Variants in CCDC85C observed in about 807,000 individuals in gnomAD.
CCDC85C encodes the protein coiled-coil domain containing 85C.
CCDC85C carries 18 observed loss-of-function variants against 38.3 expected under a neutral mutation model. The observed-to-expected ratio is 0.47, with a 90% CI of 0.33 to 0.70. CCDC85C has a LOEUF of 0.70. Among genes scored for constraint, CCDC85C ranks in the 30% least tolerant of loss-of-function variants. The pLI is 0.03. For synonymous variants in CCDC85C, 264 were observed against 293.8 expected, an observed-to-expected ratio of 0.90 and a Z score of 1.04; for missense variants, 566 against 621.2, an observed-to-expected ratio of 0.91 and a Z score of 0.94.
chr14:99,563,829 C>T (rs1045692639), intron 1 of CCDC85C, among the ~76,000 whole-genome samples: 8 of 152,216 alleles, frequency 5.3e-5, no homozygotes, highest in Admixed American at 3.9e-4. Context: ...TTCCTGGGCA[C>T]GAGCCAGATG....
Position 99,603,436 on chromosome 14 carries a change from C to T in CCDC85C, c.524G>A (p.Gly175Asp). 7.9e-7 allele frequency: 1 copy of T among 1,267,342 alleles called. No individual in the cohort carries two copies. Among genetic ancestry groups the T allele is most frequent in the Non-Finnish European group, 9.9e-7 (1 of 1,010,178 alleles). The allele number at this position is 1,267,342 out of a possible 1,614,324, so 78.5% of individuals were successfully genotyped here. ...CTGGCTGTCGATGGAGCTGCGGGAGCCGGCGCCGCCCCCGCCGCCGCCGCC... is the reference window on the plus strand; with the variant it reads ...CTGGCTGTCGATGGAGCTGCGGGAGTCGGCGCCGCCCCCGCCGCCGCCGCC... ...SGGGGGGGGA[G>D]SRSSIDSQAS... is the part of the protein sequence containing the mutation. The change falls in exon 1 of 6, where the codon GGC (glycine) becomes GAC (aspartate). Residue 175 changes from glycine to aspartate, a missense_variant. By Grantham distance (94) the Gly-to-Asp change is moderately conservative. Around this residue, in one of 3 missense-constraint regions of CCDC85C, gnomAD observed 269 missense variants for 308.2 expected, o/e 0.87. Transcript: ENST00000380243. This position sits in a 1 kb window ranked among gnomAD's most constrained non-coding sequence, Gnocchi z 7.5.
At chr14:99,551,029 G>T (rs1897896391) in intron 1 of CCDC85C, among the ~76,000 whole-genome samples, 1 of 152,242 alleles carries the variant, frequency 6.6e-6, no homozygotes, top group African/African-American at 2.4e-5. Flanking sequence ...AGCCAATGTG[G>T]TATCACCCAT....
At chr14:99,532,691 C>G (rs908716762) in intron 2 of CCDC85C, among the ~76,000 whole-genome samples, 2 of 152,158 alleles carry the variant, frequency 1.3e-5, no homozygotes, top group African/African-American at 4.8e-5. Flanking sequence ...CTCTCTCTCT[C>G]CTGCATGGCT....
chr14:99,519,838 T>C (rs534220740), intron 3 of CCDC85C, among the ~76,000 whole-genome samples: 4 of 152,286 alleles, frequency 2.6e-5, no homozygotes, highest in Admixed American at 1.3e-4. Context: ...ATACGAAATA[T>C]CCAGAATTGG....
chr14:99,522,068 A>T, intron 3 of CCDC85C, 65 bp downstream of exon 3: 1 of 1,306,360 alleles, frequency 7.7e-7, no homozygotes, highest in Non-Finnish European at 1.1e-6. Context: ...CGGGCAGGTC[A>T]CTGGCCCGCC....
chr14:99,526,646 C>G (rs988139345), intron 2 of CCDC85C, among the ~76,000 whole-genome samples: 1 of 152,200 alleles, frequency 6.6e-6, no homozygotes, highest in Non-Finnish European at 1.5e-5. Context: ...GTCCCCAAGA[C>G]CTGGCGACCT....
At position 99,500,739 on chromosome 14, in the gene CCDC85C, G is replaced by C; in HGVS notation, c.*14507C>G. ...CTTGAGACCTGCAATTGTAATTACT[G>C]TCCTAACATTTGTGATTGATTTTTA... On this transcript the variant is annotated 3_prime_UTR_variant, in exon 6 of 6. Transcript: ENST00000380243. 7.2e-7 allele frequency: 1 copy of C among 1,380,638 alleles called. No homozygotes were observed. Among genetic ancestry groups the C allele is most frequent in the Non-Finnish European group, 1.0e-6 (1 of 989,700 alleles). 85.5% of individuals were successfully genotyped at this position (1,380,638 alleles called of 1,614,324 possible). A position where few individuals can be genotyped will look rare whatever the true frequency, so the allele number is the denominator to read the frequency against.
At chr14:99,563,427 G>A (rs1249914560) in intron 1 of CCDC85C, among the ~76,000 whole-genome samples, 4 of 152,256 alleles carry the variant, frequency 2.6e-5, no homozygotes, top group South Asian at 4.1e-4. Flanking sequence ...CCCAAGCCAC[G>A]CCCCCCTCAC....
At chr14:99,517,693 C>T (rs757333230) in intron 3 of CCDC85C, among the ~76,000 whole-genome samples, 7 of 152,212 alleles carry the variant, frequency 4.6e-5, no homozygotes, top group African/African-American at 7.2e-5. Context: ...CCCAGCCCTG[C>T]GGGATGAATT....
At position 99,502,387 on chromosome 14, in the gene CCDC85C, T is replaced by A. The variant is rs780129653; in HGVS notation, c.*12859A>T. The A allele has an allele frequency of 6.2e-7, 1 of 1,612,404 alleles. No homozygotes were observed. The highest frequency in any genetic ancestry group is 8.5e-7 in the Non-Finnish European group (1 of 1,178,986). ...TCGACGTTTTGGAAGGTACCAGGCA[T>A]GCTAAGCGTTCTCGTGAGGGTGTTC... On this transcript the variant is annotated 3_prime_UTR_variant, in exon 6 of 6. Transcript: ENST00000380243.
intron 2 of CCDC85C, chr14:99,534,739 A>G: frequency 2.8e-6 from 2 of 702,096 alleles, no homozygotes; most frequent in Non-Finnish European, 5.2e-6. Context: ...AGGGAGCCCC[A>G]CTCCACAGAC....
intron 1 of CCDC85C, among the ~76,000 whole-genome samples, chr14:99,554,776 A>T (rs1361041128): frequency 6.6e-6 from 1 of 152,220 alleles, no homozygotes; most frequent in East Asian, 1.9e-4. Flanking sequence ...AACGGGGCAC[A>T]GGGCACCCAC....
rs191782351 is a variant in CCDC85C, at chr14:99,513,834, G to C, written c.*1412C>G. On this transcript the variant is annotated 3_prime_UTR_variant, in exon 6 of 6. Transcript: ENST00000380243. ...GGAAGCGGCCTGTCCCCGTGCTGCA[G>C]CTGTGGGATCAAAATCCCTGTCATG... is the stretch of plus-strand genomic sequence containing the variant. 46 of 5,320 alleles carry C rather than the reference G, an allele frequency of 8.6e-3. No individual in the cohort carries two copies. The highest frequency in any genetic ancestry group is 0.024 in the Admixed American group (5 of 210). The allele number at this position is 5,320 out of a possible 1,614,324, so 0.3% of individuals were successfully genotyped here. A position where few individuals can be genotyped will look rare whatever the true frequency, so the allele number is the denominator to read the frequency against.
In CCDC85C at chr14:99,514,573, G is replaced by T. The variant is rs77332608; in HGVS notation, c.*673C>A. On this transcript the variant is annotated 3_prime_UTR_variant, in exon 6 of 6. Coordinates refer to ENST00000380243, the MANE Select transcript of CCDC85C (RefSeq NM_001144995.2). ...TGGCAGGGGGACATTGCAGAGACTG[G>T]GGGGGAGGGGGATGACCTCCAAAAG... The T allele has an allele frequency of 9.2e-3, 1,399 of 152,634 alleles. 19 individuals carry two copies. Among genetic ancestry groups the T allele is most frequent in the African/African-American group, 0.032 (1,312 of 41,462 alleles). The allele number at this position is 152,634 out of a possible 1,614,324, so 9.5% of individuals were successfully genotyped here.
Position 99,511,668 on chromosome 14 carries a change from A to G in CCDC85C, c.*3578T>C, listed in dbSNP as rs1461690249. ...CCACAGCCAACCCCACTGCCTCCCA[A>G]GGCACTCTGGGTGGATCCGCACAGC... On this transcript the variant is annotated 3_prime_UTR_variant, in exon 6 of 6. Coordinates refer to ENST00000380243, the MANE Select transcript of CCDC85C (RefSeq NM_001144995.2). 6.6e-6 allele frequency: 1 copy of G among 152,510 alleles called. No homozygotes were observed. The highest frequency in any genetic ancestry group is 1.5e-5 in the Non-Finnish European group (1 of 68,070). The allele number at this position is 152,510 out of a possible 1,614,324, so 9.4% of individuals were successfully genotyped here. A position where few individuals can be genotyped will look rare whatever the true frequency, so the allele number is the denominator to read the frequency against.
chr14:99,509,630 T>C lies in CCDC85C; in HGVS notation c.*5616A>G, dbSNP rs1897069925. 6.1e-6 allele frequency: 1 copy of C among 163,728 alleles called. No individual in the cohort carries two copies. The highest frequency in any genetic ancestry group is 2.4e-5 in the African/African-American group (1 of 41,216). 10.1% of individuals were successfully genotyped at this position (163,728 alleles called of 1,614,324 possible). A position where few individuals can be genotyped will look rare whatever the true frequency, so the allele number is the denominator to read the frequency against. ...CAGTGGGGTTTGATGTAGCCTCTCTTGAGTAGAATAGAACCTGAATTGCTG... is the reference window on the plus strand; with the variant it reads ...CAGTGGGGTTTGATGTAGCCTCTCTCGAGTAGAATAGAACCTGAATTGCTG... On this transcript the variant is annotated 3_prime_UTR_variant, in exon 6 of 6. Transcript: ENST00000380243.
rs563225442 is a variant in CCDC85C, at chr14:99,572,929, C to T, written c.793+30238G>A. On this transcript the variant is annotated intron_variant, in intron 1 of 5. Coordinates refer to ENST00000380243, the MANE Select transcript of CCDC85C (RefSeq NM_001144995.2). This position sits in a 1 kb window ranked among gnomAD's most constrained non-coding sequence, Gnocchi z 4.4. ...GCACGGACCTGAGGCAGCGCCTTCT[C>T]TTAGCTCTGAGCCCTGCCTTCGCCT... 15 of 423,352 alleles carry T rather than the reference C, an allele frequency of 3.5e-5. No individual in the cohort carries two copies. Among genetic ancestry groups the T allele is most frequent in the Admixed American group, 1.2e-4 (5 of 40,580 alleles). The allele number at this position is 423,352 out of a possible 1,614,324, so 26.2% of individuals were successfully genotyped here.
intron 1 of CCDC85C, among the ~76,000 whole-genome samples, chr14:99,553,500 G>T (rs1897952880): frequency 6.6e-6 from 1 of 152,184 alleles, no homozygotes; most frequent in South Asian, 2.1e-4. Context: ...GAGTAAATGG[G>T]ACTACAGGCA....
Position 99,503,255 on chromosome 14 carries a change from C to T in CCDC85C, c.*11991G>A, listed in dbSNP as rs1896885366. On this transcript the variant is annotated 3_prime_UTR_variant, in exon 6 of 6. Transcript: ENST00000380243. The stretch of plus-strand genomic sequence containing the variant: ...CCAGGGTTCTGAAGCCTGTCGGTGT[C>T]GTTGCCGTGTCCTAGCAGTGTCGTT... The T allele has an allele frequency of 9.4e-6, 6 of 641,358 alleles. No individual in the cohort carries two copies. Among genetic ancestry groups the T allele is most frequent in the South Asian group, 6.9e-5 (4 of 57,732 alleles). 39.7% of individuals were successfully genotyped at this position (641,358 alleles called of 1,614,324 possible). A position where few individuals can be genotyped will look rare whatever the true frequency, so the allele number is the denominator to read the frequency against.
Sources: gnomAD v4.1 joint callset for allele counts (sites outside exome capture counted in the v4.1 genomes callset) on GRCh38, gnomAD v4.1.1 for gene constraint, gnomAD v4.1.1 regional missense constraint, Gnocchi (gnomAD v3.1) non-coding constraint, MANE v1.5 for transcripts, NCBI Gene and HGNC (gene_info 2026-07-23, HGNC 2026-07-21) for gene names.